CDH18: variants seen among roughly 807,000 people sequenced by gnomAD.
CDH18 encodes cadherin 18.
CDH18 carries 31 observed loss-of-function variants against 67.9 expected under a neutral mutation model. The ratio of observed to expected loss-of-function variants is 0.46; its 90% CI spans 0.34 to 0.62. The LOEUF is 0.62. Among genes scored for constraint, CDH18 ranks in the 20% least tolerant of loss-of-function variants. CDH18 has a pLI of 0.01. For missense variants in CDH18, 890 were observed against 975.5 expected, an observed-to-expected ratio of 0.91 and a Z score of 1.17; for synonymous variants, 362 against 347.2, an observed-to-expected ratio of 1.04 and a Z score of -0.48.
chr5:19,515,190 G>T lies in CDH18; in HGVS notation c.1512+5467C>A, dbSNP rs188332990. On this transcript the variant is annotated intron_variant, in intron 10 of 12. Transcript: ENST00000382275. ...GTGTTATTTCTGAGGGCTCTGTTCTGTTCCATTGGTCTATATCTCTGTTTT... is the reference window on the plus strand; with the variant it reads ...GTGTTATTTCTGAGGGCTCTGTTCTTTTCCATTGGTCTATATCTCTGTTTT... Among the ~76,000 whole-genome samples the T allele has an allele frequency of 4.0e-3, 612 of 152,236 alleles. 6 individuals carry two copies. Among genetic ancestry groups the T allele is most frequent in the African/African-American group, 0.014 (582 of 41,528 alleles).
rs546842012 is a variant in CDH18 at position 19,713,293 on chromosome 5, G to T, written c.643+8054C>A. ...ACTACCATTTTATAGCGAATTAGAT[G>T]ATTTTTTTACTCTCCTGGTAGCAGC... On this transcript the variant is annotated intron_variant, in intron 5 of 12. Coordinates refer to ENST00000382275, the MANE Select transcript of CDH18 (RefSeq NM_004934.5). 2.6e-4 allele frequency among the ~76,000 whole-genome samples: 40 copies of T among 152,132 alleles called. No homozygotes were observed. In the South Asian group the frequency reaches 8.3e-3, roughly 32 times the overall value.
chr5:20,022,251 C>T (rs987272966), intron 2 of CDH18, among the ~76,000 whole-genome samples: 3 of 152,160 alleles, frequency 2.0e-5, no homozygotes, highest in Admixed American at 6.5e-5. Context: ...ACAGGTACTT[C>T]GTGGTCTAGT....
At chr5:20,542,096 C>T (rs1757080764) in intron 1 of CDH18, among the ~76,000 whole-genome samples, 1 of 152,148 alleles carries the variant, frequency 6.6e-6, no homozygotes, top group Non-Finnish European at 1.5e-5. Flanking sequence ...CAGGCATGCA[C>T]CACCACGCCT....
At chr5:20,442,729 G>T (rs1749697055) in intron 1 of CDH18, among the ~76,000 whole-genome samples, 1 of 151,776 alleles carries the variant, frequency 6.6e-6, no homozygotes, top group African/African-American at 2.4e-5. Flanking sequence ...GCTGGAAAGG[G>T]GTCTCATAGG....
At chr5:20,191,101 T>C (rs1738500606) in intron 2 of CDH18, among the ~76,000 whole-genome samples, 2 of 152,142 alleles carry the variant, frequency 1.3e-5, no homozygotes, top group African/African-American at 2.4e-5. Context: ...AATGTGCTCA[T>C]TGAATAATTT....
intron 1 of CDH18, among the ~76,000 whole-genome samples, chr5:20,449,456 A>G (rs1750260551): frequency 6.6e-6 from 1 of 152,112 alleles, no homozygotes; most frequent in South Asian, 2.1e-4. Flanking sequence ...TATAAATTTA[A>G]TAAAAATAAA....
chr5:19,685,456 G>A (rs1760947744), intron 5 of CDH18, among the ~76,000 whole-genome samples: 1 of 152,202 alleles, frequency 6.6e-6, no homozygotes, highest in East Asian at 1.9e-4. Context: ...CTGCCTTGGT[G>A]CGTTATTAGG....
chr5:20,205,424 TA>T (rs1429591467), intron 2 of CDH18, among the ~76,000 whole-genome samples: 2 of 151,954 alleles, frequency 1.3e-5, no homozygotes, highest in African/African-American at 4.8e-5. Flanking sequence ...ACTGCAATAT[TA>T]TAGTAGTAAG....
upstream of CDH18, among the ~76,000 whole-genome samples, chr5:19,988,389 C>A (rs79633469): frequency 1.6e-4 from 25 of 152,168 alleles, no homozygotes; most frequent in South Asian, 4.8e-3. Flanking sequence ...CCCAACCCCC[C>A]ACCGTGCATA....
chr5:19,711,650 T>TAAAAAAAAAA (rs3062941), intron 5 of CDH18, among the ~76,000 whole-genome samples: 20 of 115,582 alleles, frequency 1.7e-4, no homozygotes, highest in African/African-American at 5.1e-4. Flanking sequence ...TAGTATAAAG[T>TAAAAAAAAAA]AAAAAAAAAA....
chr5:20,226,317 A>G (rs2126476572), intron 2 of CDH18, among the ~76,000 whole-genome samples: 1 of 152,256 alleles, frequency 6.6e-6, no homozygotes, highest in Middle Eastern at 3.4e-3. Context: ...CTGTCATGAA[A>G]GAGCCAAATT....
At chr5:19,666,710 G>C (rs528853925) in intron 5 of CDH18, among the ~76,000 whole-genome samples, 1 of 152,190 alleles carries the variant, frequency 6.6e-6, no homozygotes, top group African/African-American at 2.4e-5. Flanking sequence ...TTTTGGCAAA[G>C]TGTTCTTCAT....
At chr5:20,163,180 T>C (rs904717563) in intron 2 of CDH18, among the ~76,000 whole-genome samples, 1 of 152,274 alleles carries the variant, frequency 6.6e-6, no homozygotes, top group African/African-American at 2.4e-5. Flanking sequence ...TAAAGATCCC[T>C]GACTTCCTAT....
At chr5:20,460,324 G>A (rs1751162084) in intron 1 of CDH18, among the ~76,000 whole-genome samples, 1 of 151,850 alleles carries the variant, frequency 6.6e-6, no homozygotes, top group African/African-American at 2.4e-5. Context: ...CCCAGGAGGT[G>A]GAGGTTGCAG....
At chr5:20,116,444 A>G (rs536638060) in intron 2 of CDH18, among the ~76,000 whole-genome samples, 2 of 152,066 alleles carry the variant, frequency 1.3e-5, no homozygotes, top group Non-Finnish European at 1.5e-5. Context: ...TGAACCCAAG[A>G]GGTGGAGGTT....
At chr5:20,481,571 T>C (rs1331124272) in intron 1 of CDH18, among the ~76,000 whole-genome samples, 3 of 152,002 alleles carry the variant, frequency 2.0e-5, no homozygotes, top group Non-Finnish European at 4.4e-5. Flanking sequence ...TAGGTAACAG[T>C]TTTCAAAAAA....
intron 1 of CDH18, among the ~76,000 whole-genome samples, chr5:20,532,782 A>G (rs371609598): frequency 4.3e-4 from 66 of 152,246 alleles, no homozygotes; most frequent in African/African-American, 1.5e-3. Flanking sequence ...TAGGTTTTAC[A>G]ATAATCCATT....
At chr5:20,018,049 T>C (rs894344655) in intron 2 of CDH18, among the ~76,000 whole-genome samples, 5 of 152,190 alleles carry the variant, frequency 3.3e-5, no homozygotes, top group African/African-American at 1.2e-4. Context: ...GTGTTCAGTA[T>C]AGGACAGAAA....
At chr5:19,889,396 A>G (rs981795647) in intron 2 of CDH18, among the ~76,000 whole-genome samples, 3 of 152,012 alleles carry the variant, frequency 2.0e-5, no homozygotes, top group African/African-American at 7.2e-5. Flanking sequence ...AACTTAAATG[A>G]CCATGTGTTT....
Sources: gnomAD v4.1 joint callset for allele counts (sites outside exome capture counted in the v4.1 genomes callset) on GRCh38, gnomAD v4.1.1 for gene constraint, MANE v1.5 for transcripts, NCBI Gene and HGNC (gene_info 2026-07-23, HGNC 2026-07-21) for gene names.